The following BMPER variants were observed in gnomAD, a reference collection of about 807,000 sequenced individuals.
BMPER encodes the protein BMP binding endothelial regulator, also known as BMP-binding endothelial regulator protein.
A neutral mutation model predicts 87.3 loss-of-function variants in BMPER; 45 were observed. That is an observed-to-expected ratio of 0.52 (90% confidence interval 0.41 to 0.66). The LOEUF is 0.66. Among genes scored for constraint, BMPER ranks in the 30% least tolerant of loss-of-function variants. The probability of loss-of-function intolerance (pLI) is 0.00; values close to 1 mark genes in which losing one functional copy is unlikely to be tolerated. For synonymous variants in BMPER, 326 were observed against 316.2 expected, an observed-to-expected ratio of 1.03 and a Z score of -0.33; for missense variants, 784 against 867.5, an observed-to-expected ratio of 0.90 and a Z score of 1.21.
intron 3 of BMPER, among the ~76,000 whole-genome samples, chr7:33,940,636 C>T (rs1049103347): frequency 6.6e-6 from 1 of 152,018 alleles, no homozygotes; most frequent in African/African-American, 2.4e-5. Flanking sequence ...TCTGAGACAG[C>T]AGTAGCAGCT....
In BMPER at chr7:34,153,179, G is replaced by A. The variant is rs969942566; in HGVS notation, c.1964G>A (p.Cys655Tyr). Residue 655 changes from cysteine to tyrosine, a missense_variant, in exon 15 of 15, where the codon TGC becomes TAC. By Grantham distance (194) the Cys-to-Tyr change is radical. Coordinates refer to ENST00000649409, the MANE Select transcript of BMPER (RefSeq NM_001365308.1). ...TCDNWNEIGPCNKPCVAGCHC... is the reference protein window; with the variant it reads ...TCDNWNEIGPYNKPCVAGCHC... Reference sequence around the variant, plus strand: ...GACAACTGGAATGAAATTGGTCCATGCAACAAGCCGTGCGTTGCTGGGTGC... The same window carrying A: ...GACAACTGGAATGAAATTGGTCCATACAACAAGCCGTGCGTTGCTGGGTGC... 6.2e-7 allele frequency: 1 copy of A among 1,614,016 alleles called. No individual in the cohort carries two copies. Among genetic ancestry groups the A allele is most frequent in the Admixed American group, 1.7e-5 (1 of 60,006 alleles).
At chr7:34,097,304 G>A (rs1317093389) in intron 13 of BMPER, among the ~76,000 whole-genome samples, 1 of 152,212 alleles carries the variant, frequency 6.6e-6, no homozygotes, top group Admixed American at 6.5e-5. Flanking sequence ...TGTTCTGTGA[G>A]GTGGTGCCAT....
At chr7:34,083,520 T>A (rs889025765) in intron 12 of BMPER, among the ~76,000 whole-genome samples, 1 of 152,228 alleles carries the variant, frequency 6.6e-6, no homozygotes, top group African/African-American at 2.4e-5. Context: ...AGTGATTTCC[T>A]TATGGGTCTT....
intron 3 of BMPER, among the ~76,000 whole-genome samples, chr7:33,941,119 A>G (rs1188911491): frequency 7.3e-6 from 1 of 137,854 alleles, no homozygotes; most frequent in Admixed American, 7.7e-5. Context: ...CATATAATTT[A>G]TATATTATAT....
chr7:34,114,858 G>A (rs1195861650), intron 13 of BMPER, among the ~76,000 whole-genome samples: 1 of 152,244 alleles, frequency 6.6e-6, no homozygotes, highest in Non-Finnish European at 1.5e-5. Flanking sequence ...AAGAGCAGAG[G>A]ACAGGTGGAT....
chr7:34,083,315 C>T (rs1789104703), intron 12 of BMPER, among the ~76,000 whole-genome samples: 1 of 152,110 alleles, frequency 6.6e-6, no homozygotes, highest in South Asian at 2.1e-4. Flanking sequence ...GCTGTATGTC[C>T]CTTCTCTCAT....
At chr7:33,993,634 C>G (rs1165442218) in intron 6 of BMPER, among the ~76,000 whole-genome samples, 1 of 152,080 alleles carries the variant, frequency 6.6e-6, no homozygotes, top group African/African-American at 2.4e-5. Flanking sequence ...AAGTCATTCT[C>G]CATCCAGCTT....
rs539491182 is a variant in BMPER at position 33,958,562 on chromosome 7, A to G, written c.320-7917A>G. The stretch of plus-strand genomic sequence containing the variant: ...AAGTATCATTGAAAGGCAGCATGCC[A>G]TCTTCCCCAGAGACAACATTTTTAC... On this transcript the variant is annotated intron_variant, in intron 3 of 14. Transcript: ENST00000649409. Among the ~76,000 whole-genome samples the G allele has an allele frequency of 2.3e-3, 344 of 152,314 alleles. 1 individual carries two copies. Among genetic ancestry groups the G allele is most frequent in the Non-Finnish European group, 3.6e-3 (246 of 68,030 alleles).
At chr7:34,047,820 T>TTCCTTCCTTCCTTCC (rs1562709450) in intron 7 of BMPER, among the ~76,000 whole-genome samples, 9 of 134,226 alleles carry the variant, frequency 6.7e-5, no homozygotes, top group Non-Finnish European at 9.7e-5. Flanking sequence ...TCTTCCTCAC[T>TTCCTTCCTTCCTTCC]TTCCTACTTT....
chr7:33,954,458 G>C (rs973661661), intron 3 of BMPER, among the ~76,000 whole-genome samples: 38 of 152,138 alleles, frequency 2.5e-4, no homozygotes, highest in African/African-American at 8.9e-4. Flanking sequence ...TATCACATTA[G>C]TTGCCAGGAA....
At chr7:33,907,240 C>A (rs1783845011) in intron 2 of BMPER, among the ~76,000 whole-genome samples, 1 of 151,866 alleles carries the variant, frequency 6.6e-6, no homozygotes, top group African/African-American at 2.4e-5. Flanking sequence ...ACAAAACTTT[C>A]TGCGTTGGTT....
At chr7:33,907,393 G>T (rs1397718235) in intron 2 of BMPER, among the ~76,000 whole-genome samples, 1 of 152,006 alleles carries the variant, frequency 6.6e-6, no homozygotes, top group South Asian at 2.1e-4. Flanking sequence ...TTTCTTTCTC[G>T]GGTTTCTTTG....
In BMPER at chr7:34,085,819, G is replaced by A. The variant is rs779744897; in HGVS notation, c.1472G>A (p.Gly491Asp). The A allele has an allele frequency of 1.9e-6, 3 of 1,614,148 alleles. No homozygotes were observed. The highest frequency in any genetic ancestry group is 2.5e-6 in the Non-Finnish European group (3 of 1,180,026). The change falls in exon 13 of 15, where the codon GGC becomes GAC. Residue 491 changes from glycine to aspartate, a missense_variant. Transcript: ENST00000649409. ...VEVMAAPHLK[G>D]KLCGLCGNYN... The stretch of plus-strand genomic sequence containing the variant: ...GTCATGGCTGCGCCGCATCTCAAGG[G>A]CAAGCTCTGTGGTCTTTGTGGCAAC...
At position 34,098,842 on chromosome 7, in the gene BMPER, A is replaced by G. The variant is rs374266385; in HGVS notation, c.1745+12750A>G. 3.2e-4 allele frequency among the ~76,000 whole-genome samples: 48 copies of G among 152,342 alleles called. 1 individual carries two copies. The South Asian group carries it at 9.5e-3, about 30-fold the overall frequency. On this transcript the variant is annotated intron_variant, in intron 13 of 14. Coordinates refer to ENST00000649409, the MANE Select transcript of BMPER (RefSeq NM_001365308.1). ...CCACTACTAGAATTTATTGACATAC[A>G]TAGCAACTAAGGACTGCAGGACAGC...
chr7:33,925,249 TCTAA>T, intron 2 of BMPER, among the ~76,000 whole-genome samples: 1 of 152,362 alleles, frequency 6.6e-6, no homozygotes, highest in East Asian at 1.9e-4. Context: ...AATTTGAAGA[TCTAA>T]CTATTTCTCT....
At chr7:33,910,959 A>G (rs1264658132) in intron 2 of BMPER, among the ~76,000 whole-genome samples, 1 of 152,252 alleles carries the variant, frequency 6.6e-6, no homozygotes, top group Non-Finnish European at 1.5e-5. Flanking sequence ...TGAGGGAGAT[A>G]ACATTGCATG....
intron 13 of BMPER, among the ~76,000 whole-genome samples, chr7:34,134,761 A>G (rs1562765434): frequency 6.6e-6 from 1 of 152,194 alleles, no homozygotes; most frequent in East Asian, 1.9e-4. Context: ...ATATGGTCTG[A>G]TATATGGCCT....
intron 2 of BMPER, 111 bp from the exon 3 acceptor site, chr7:33,937,178 C>T: frequency 1.8e-6 from 2 of 1,132,072 alleles, no homozygotes; most frequent in African/African-American, 3.1e-5. Context: ...CGTCTTCTTG[C>T]CAAGTGAAGG....
chr7:34,073,953 T>C (rs1404296207), intron 11 of BMPER, among the ~76,000 whole-genome samples: 2 of 152,006 alleles, frequency 1.3e-5, no homozygotes, highest in African/African-American at 2.4e-5. Flanking sequence ...AGGGCCCAGG[T>C]GAGGGGGGCC....
Sources: allele counts gnomAD v4.1 joint callset (sites outside exome capture counted in the v4.1 genomes callset), GRCh38; gene constraint gnomAD v4.1.1; transcripts MANE v1.5; gene names NCBI Gene and HGNC (gene_info 2026-07-23, HGNC 2026-07-21).